Variants in UHRF2 observed in about 807,000 individuals in gnomAD.
UHRF2 encodes E3 ubiquitin-protein ligase UHRF2.
A neutral mutation model predicts 96.8 loss-of-function variants in UHRF2; 23 were observed. The ratio of observed to expected loss-of-function variants is 0.24; its 90% CI spans 0.17 to 0.34. The LOEUF is 0.34. UHRF2 is among the 10% of genes least tolerant of loss of function. The pLI is 1.00. For synonymous variants in UHRF2, 385 were observed against 332.6 expected (o/e 1.16, Z -1.72); for missense variants, 685 against 981.5 (o/e 0.70, Z 4.04).
rs901716910 is a variant in UHRF2, at chr9:6,492,204, A to G, written c.1498-1622A>G. On this transcript the variant is annotated intron_variant, in intron 9 of 15. Transcript: ENST00000276893. ...TTGATTTGCTGCTTGAAGAATAATC[A>G]GAAATGTTTTAAATACTATTTAGCT... 11 of 382,266 alleles carry G rather than the reference A, an allele frequency of 2.9e-5. No homozygotes were observed. In the South Asian group the frequency reaches 3.5e-4, roughly 12 times the overall value. 23.7% of individuals were successfully genotyped at this position (382,266 alleles called of 1,614,324 possible). A position where few individuals can be genotyped will look rare whatever the true frequency, so the allele number is the denominator to read the frequency against.
intron 9 of UHRF2, chr9:6,492,832 C>CTTTTTTTT (rs34371545): frequency 2.8e-4 from 25 of 89,484 alleles, no homozygotes; most frequent in Middle Eastern, 0.012. Context: ...GAGCTTTTGG[C>CTTTTTTTT]TTTTTTTTTT....
At chr9:6,424,778 T>G (rs993096929) in intron 2 of UHRF2, among the ~76,000 whole-genome samples, 8 of 149,176 alleles carry the variant, frequency 5.4e-5, no homozygotes, top group African/African-American at 2.0e-4. Context: ...TTCTCAGGAT[T>G]TTTTTTTTTT....
Position 6,481,997 on chromosome 9 carries a change from G to C in UHRF2, c.1290G>C (p.Met430Ile). 1 of 1,613,600 alleles carries C rather than the reference G, an allele frequency of 6.2e-7. No homozygotes were observed. The highest frequency in any genetic ancestry group is 8.5e-7 in the Non-Finnish European group (1 of 1,179,804). The change falls in exon 8 of 16, where the codon ATG becomes ATC. Residue 430 changes from methionine to isoleucine, a missense_variant. Around this residue, in one of 6 missense-constraint regions of UHRF2, gnomAD observed 73 missense variants for 283.7 expected, o/e 0.26. Transcript: ENST00000276893. ...TESRRDWGRGMACVGRTRECT... is the reference protein window; with the variant it reads ...TESRRDWGRGIACVGRTRECT... ...GTTTGTTTTGCGTCTTGTAGGGAAT[G>C]GCTTGTGTTGGTCGTACGAGAGAAT...
At chr9:6,465,413 A>G (rs1308742214) in intron 4 of UHRF2, among the ~76,000 whole-genome samples, 3 of 152,206 alleles carry the variant, frequency 2.0e-5, no homozygotes, top group East Asian at 1.9e-4. Flanking sequence ...GAACTTCTCA[A>G]TAAAGTCATC....
chr9:6,478,895 A>G (rs1225049744), intron 6 of UHRF2, among the ~76,000 whole-genome samples: 1 of 152,204 alleles, frequency 6.6e-6, no homozygotes, highest in East Asian at 1.9e-4. Context: ...ACCATCGCTA[A>G]TAACTATTTC....
intron 3 of UHRF2, among the ~76,000 whole-genome samples, chr9:6,458,050 TC>T (rs1822291738): frequency 6.6e-6 from 1 of 152,184 alleles, no homozygotes. Flanking sequence ...GTCCCTCTTT[TC>T]CTGTTGTTTG....
intron 2 of UHRF2, among the ~76,000 whole-genome samples, chr9:6,427,676 C>T (rs1403309518): frequency 2.0e-5 from 3 of 152,046 alleles, no homozygotes; most frequent in East Asian, 1.9e-4. Flanking sequence ...CAGAGCAAGA[C>T]CCCATCTCAA....
At position 6,420,979 on chromosome 9, in the gene UHRF2, G is replaced by A. The variant is rs1382367312; in HGVS notation, c.221G>A (p.Arg74His). 3.1e-6 allele frequency: 5 copies of A among 1,613,936 alleles called. No individual in the cohort carries two copies. The highest frequency in any genetic ancestry group is 4.2e-6 in the Non-Finnish European group (5 of 1,180,014). ...AATGATATAATTCAGCTGCTAGTTCGCCCAGACCCTGATCATCTTCCTGGC... is the reference window on the plus strand; with the variant it reads ...AATGATATAATTCAGCTGCTAGTTCACCCAGACCCTGATCATCTTCCTGGC... ...GLNDIIQLLV[R>H]PDPDHLPGTS... Residue 74 changes from arginine (R) to histidine (H), a missense_variant, in exon 2 of 16, where the codon CGC becomes CAC. Physicochemically the swap from Arg to His is conservative, Grantham distance 29. Around this residue, in one of 6 missense-constraint regions of UHRF2, gnomAD observed 391 missense variants for 437.0 expected, o/e 0.89. Coordinates refer to ENST00000276893, the MANE Select transcript of UHRF2 (RefSeq NM_152896.3).
chr9:6,473,727 C>G (rs1312604707), intron 4 of UHRF2, among the ~76,000 whole-genome samples: 3 of 152,186 alleles, frequency 2.0e-5, no homozygotes, highest in Admixed American at 2.0e-4. Flanking sequence ...GTCACAACTA[C>G]TTAACTCCCC....
At chr9:6,466,816 G>A (rs1822888704) in intron 4 of UHRF2, among the ~76,000 whole-genome samples, 5 of 152,176 alleles carry the variant, frequency 3.3e-5, no homozygotes, top group Admixed American at 3.3e-4. Context: ...TGTACTTGAT[G>A]TTCCCTCCTA....
intron 3 of UHRF2, among the ~76,000 whole-genome samples, chr9:6,459,881 G>A (rs1043467076): frequency 2.6e-5 from 4 of 152,180 alleles, no homozygotes; most frequent in South Asian, 2.1e-4. Flanking sequence ...GCTCAGGCTC[G>A]GGGATTTCTT....
rs144326753 is a variant in UHRF2, at chr9:6,498,215, A to G, written c.1908+57A>G. 1.3e-3 allele frequency: 1,979 copies of G among 1,566,188 alleles called. 22 individuals are homozygous for G. In the African/African-American group the frequency reaches 0.024, roughly 19 times the overall value. ...GTTCATAAAAATATACACCTCTTCT[A>G]TCTACATGCCTTAACACTGGATATA... On this transcript the variant is annotated intron_variant, in intron 12 of 15. Transcript: ENST00000276893.
chr9:6,460,476 T>C (rs1822470801), intron 3 of UHRF2, 97 bp from the exon 4 acceptor site: 2 of 1,019,982 alleles, frequency 2.0e-6, no homozygotes, highest in Non-Finnish European at 2.8e-6. Flanking sequence ...CTCTTTCTCT[T>C]AGATGATTAA....
intron 2 of UHRF2, among the ~76,000 whole-genome samples, chr9:6,422,257 T>C (rs1435103266): frequency 6.6e-6 from 1 of 152,156 alleles, no homozygotes; most frequent in African/African-American, 2.4e-5. Flanking sequence ...AATTTTTATA[T>C]TTCCAGTAGA....
At chr9:6,460,295 A>G (rs1248243121) in intron 3 of UHRF2, among the ~76,000 whole-genome samples, 1 of 152,180 alleles carries the variant, frequency 6.6e-6, no homozygotes, top group Non-Finnish European at 1.5e-5. Flanking sequence ...CTGAACACTT[A>G]CTTGCCTGAC....
chr9:6,445,063 G>A (rs1377159500), intron 3 of UHRF2, among the ~76,000 whole-genome samples: 4 of 151,044 alleles, frequency 2.6e-5, no homozygotes, highest in Non-Finnish European at 4.4e-5. Flanking sequence ...GACCAAGGTG[G>A]GAGGATCATT....
intron 3 of UHRF2, 41 bp downstream of exon 3, chr9:6,434,214 T>C (rs756743544): frequency 1.3e-6 from 2 of 1,562,092 alleles, no homozygotes; most frequent in Non-Finnish European, 1.7e-6. Context: ...CATATTTTCA[T>C]TTGTAGAAAC....
At chr9:6,492,740 T>C (rs1824734316) in intron 9 of UHRF2, 1 of 152,114 alleles carries the variant, frequency 6.6e-6, no homozygotes, top group Non-Finnish European at 1.5e-5. Context: ...GATAGTTACT[T>C]TTCTTAATTT....
intron 15 of UHRF2, 64 bp from the exon 16 acceptor site, chr9:6,505,969 A>T: frequency 6.4e-7 from 1 of 1,555,662 alleles, no homozygotes; most frequent in South Asian, 1.2e-5. Flanking sequence ...TTAAAAGCAT[A>T]AGTTGCTGAG....
Sources: allele counts gnomAD v4.1 joint callset (sites outside exome capture counted in the v4.1 genomes callset), GRCh38; gene constraint gnomAD v4.1.1; regional missense constraint gnomAD v4.1.1; transcripts MANE v1.5; gene names NCBI Gene and HGNC (gene_info 2026-07-23, HGNC 2026-07-21).